CLCN3: variants seen among roughly 807,000 people sequenced by gnomAD.
CLCN3 encodes the protein H(+)/Cl(-) exchange transporter 3.
In CLCN3, 16 loss-of-function variants were observed where a neutral mutation model predicts 83.4. The observed-to-expected ratio is 0.19, with a 90% confidence interval of 0.13 to 0.29. The LOEUF is 0.29. Among genes scored for constraint, CLCN3 ranks in the 10% least tolerant of loss-of-function variants. The pLI is 1.00. For synonymous variants in CLCN3, 322 were observed against 346.2 expected (o/e 0.93, Z 0.78); for missense variants, 544 against 1,006.0 (o/e 0.54, Z 6.21).
intron 2 of CLCN3, among the ~76,000 whole-genome samples, chr4:169,678,698 T>A (rs938980181): frequency 6.6e-6 from 1 of 152,150 alleles, no homozygotes; most frequent in African/African-American, 2.4e-5. Context: ...AACCCTGAGT[T>A]GACATAGCAC....
chr4:169,634,743 A>G (rs1452880464), intron 1 of CLCN3, among the ~76,000 whole-genome samples: 1 of 151,904 alleles, frequency 6.6e-6, no homozygotes, highest in South Asian at 2.1e-4. Flanking sequence ...TCTCTTTTTG[A>G]CCTCATTAAT....
chr4:169,715,720 C>T (rs1733398707), intron 12 of CLCN3, among the ~76,000 whole-genome samples: 1 of 151,826 alleles, frequency 6.6e-6, no homozygotes, highest in Non-Finnish European at 1.5e-5. Context: ...ATAAAAATTT[C>T]AATTAGCTAT....
chr4:169,690,958 A>C (rs1157701921), intron 6 of CLCN3, among the ~76,000 whole-genome samples: 1 of 151,850 alleles, frequency 6.6e-6, no homozygotes, highest in Non-Finnish European at 1.5e-5. Context: ...CTTGTGACCT[A>C]ATGTTCTTTG....
At chr4:169,713,965 T>C (rs1002103129) in intron 12 of CLCN3, among the ~76,000 whole-genome samples, 1 of 152,194 alleles carries the variant, frequency 6.6e-6, no homozygotes, top group African/African-American at 2.4e-5. Context: ...TGTTTCTCCA[T>C]TGACAGGAAT....
intron 2 of CLCN3, among the ~76,000 whole-genome samples, chr4:169,678,538 T>C (rs2150236331): frequency 6.6e-6 from 1 of 152,314 alleles, no homozygotes. Context: ...CAAAGGTCTC[T>C]GGTTTTCCTA....
At position 169,680,039 on chromosome 4, in the gene CLCN3, C is replaced by T; in HGVS notation, c.161-11C>T. 1 of 1,605,110 alleles carries T rather than the reference C, an allele frequency of 6.2e-7. No individual in the cohort carries two copies. ...CTAAAACATACTCATCTTTCCTTTT[C>T]TCTTCTGTAGGAACTCATTATACAA... is the stretch of plus-strand genomic sequence containing the variant. On this transcript the variant is annotated splice_polypyrimidine_tract_variant and intron_variant, in intron 2 of 12. Coordinates refer to ENST00000513761, the MANE Select transcript of CLCN3 (RefSeq NM_001829.4).
intron 6 of CLCN3, among the ~76,000 whole-genome samples, chr4:169,690,875 A>G (rs1732341648): frequency 6.6e-6 from 1 of 151,844 alleles, no homozygotes; most frequent in Non-Finnish European, 1.5e-5. Context: ...TTTTTCTCTC[A>G]CCACTAATTT....
At chr4:169,631,897 A>G (rs1773380701) in intron 1 of CLCN3, among the ~76,000 whole-genome samples, 1 of 152,200 alleles carries the variant, frequency 6.6e-6, no homozygotes, top group Non-Finnish European at 1.5e-5. Flanking sequence ...GAACAGACCA[A>G]TATCGAGTTC....
At position 169,705,415 on chromosome 4, in the gene CLCN3, G is replaced by A. The variant is rs568993577; in HGVS notation, c.1750+1231G>A. Among the ~76,000 whole-genome samples the A allele has an allele frequency of 5.3e-5, 8 of 152,308 alleles. No homozygotes were observed. The South Asian group carries it at 1.2e-3, about 24-fold the overall frequency. On this transcript the variant is annotated intron_variant, in intron 10 of 12. Coordinates refer to ENST00000513761, the MANE Select transcript of CLCN3 (RefSeq NM_001829.4). ...TATATTTGAAGTTGGTCAGATTTAT[G>A]GCAGTCCTGGCTTTGCCATTTTTAG...
chr4:169,642,392 A>C (rs542679009), intron 2 of CLCN3, among the ~76,000 whole-genome samples: 3 of 152,212 alleles, frequency 2.0e-5, no homozygotes, highest in African/African-American at 7.2e-5. Flanking sequence ...ATTAAGATAA[A>C]TCTCCGGTGA....
At chr4:169,656,831 A>G (rs1018510080) in intron 2 of CLCN3, among the ~76,000 whole-genome samples, 7 of 152,142 alleles carry the variant, frequency 4.6e-5, no homozygotes, top group African/African-American at 1.4e-4. Flanking sequence ...ATTCCCTGCT[A>G]TTGGGGAGGC....
chr4:169,720,303 C>G lies in CLCN3; in HGVS notation c.*306C>G. The stretch of plus-strand genomic sequence containing the variant: ...CTGAGGATGTGCCTGATAGTGCAGG[C>G]TTGCGCCTCAACAGAGATGACAGCA... On this transcript the variant is annotated 3_prime_UTR_variant, in exon 13 of 13. Coordinates refer to ENST00000513761, the MANE Select transcript of CLCN3 (RefSeq NM_001829.4). 2.5e-6 allele frequency: 1 copy of G among 404,978 alleles called. No individual in the cohort carries two copies. Among genetic ancestry groups the G allele is most frequent in the Non-Finnish European group, 4.4e-6 (1 of 227,536 alleles). 25.1% of individuals were successfully genotyped at this position (404,978 alleles called of 1,614,324 possible). A position where few individuals can be genotyped will look rare whatever the true frequency, so the allele number is the denominator to read the frequency against.
intron 12 of CLCN3, among the ~76,000 whole-genome samples, chr4:169,718,153 A>G (rs1229643701): frequency 6.6e-6 from 1 of 152,188 alleles, no homozygotes; most frequent in East Asian, 1.9e-4. Context: ...ATATTATTGG[A>G]CATTCTTAAA....
rs201195742 is a variant in CLCN3 at position 169,719,668 on chromosome 4, G to C, written c.2367-239G>C. Among the ~76,000 whole-genome samples, 27 of 151,824 alleles carry C rather than the reference G, an allele frequency of 1.8e-4. No individual in the cohort carries two copies. In the East Asian group the frequency reaches 5.2e-3, roughly 29 times the overall value. ...TAGCTCTGCTTCATTGAGGCATGCA[G>C]TCCTCAGACTCTCGGTGGAAAGGCT... On this transcript the variant is annotated intron_variant, in intron 12 of 12. Transcript: ENST00000513761.
intron 4 of CLCN3, among the ~76,000 whole-genome samples, chr4:169,688,087 A>G (rs556827365): frequency 1.3e-4 from 20 of 152,292 alleles, no homozygotes; most frequent in Admixed American, 2.6e-4. Flanking sequence ...AGTGCTTCCT[A>G]TGTGTTGTAC....
chr4:169,657,619 T>C (rs1316544371), intron 2 of CLCN3, among the ~76,000 whole-genome samples: 1 of 152,182 alleles, frequency 6.6e-6, no homozygotes, highest in Non-Finnish European at 1.5e-5. Flanking sequence ...TCCTGGTTTG[T>C]AGATACAGAG....
chr4:169,670,465 G>A (rs1365536236), intron 2 of CLCN3, among the ~76,000 whole-genome samples: 3 of 152,012 alleles, frequency 2.0e-5, no homozygotes, highest in Non-Finnish European at 2.9e-5. Context: ...GTTCTGTTCC[G>A]TTGGTCTGTA....
At chr4:169,632,634 C>G (rs1299390089) in intron 1 of CLCN3, among the ~76,000 whole-genome samples, 1 of 145,420 alleles carries the variant, frequency 6.9e-6, no homozygotes, top group Non-Finnish European at 1.5e-5. Flanking sequence ...GAAGAATGGC[C>G]TGAACCCAGG....
intron 11 of CLCN3, among the ~76,000 whole-genome samples, chr4:169,708,076 C>T (rs1344158058): frequency 6.6e-6 from 1 of 152,148 alleles, no homozygotes; most frequent in Non-Finnish European, 1.5e-5. Flanking sequence ...CTTTGTTACT[C>T]CCCAGGTTTT....
Sources: gnomAD v4.1 joint callset for allele counts (sites outside exome capture counted in the v4.1 genomes callset) on GRCh38, gnomAD v4.1.1 for gene constraint, MANE v1.5 for transcripts, NCBI Gene and HGNC (gene_info 2026-07-23, HGNC 2026-07-21) for gene names.